The following KCNH8 variants were observed in gnomAD, a reference collection of about 807,000 sequenced individuals.
KCNH8 encodes voltage-gated delayed rectifier potassium channel KCNH8.
Under a neutral mutation model 103.6 loss-of-function variants are expected in KCNH8, and 70 were observed. That is an observed-to-expected ratio of 0.68 (90% CI 0.56 to 0.82). The LOEUF is 0.82. Ranked by LOEUF, KCNH8 falls within the 40% of genes least tolerant of loss-of-function variation. The probability of loss-of-function intolerance (pLI) is 0.00; values close to 1 mark genes in which losing one functional copy is unlikely to be tolerated. For synonymous variants in KCNH8, 498 were observed against 489.4 expected, an observed-to-expected ratio of 1.02 and a Z score of -0.23; for missense variants, 1,217 against 1,329.9, an observed-to-expected ratio of 0.92 and a Z score of 1.32.
chr3:19,307,546 T>C (rs2065146519), intron 3 of KCNH8, among the ~76,000 whole-genome samples: 1 of 151,980 alleles, frequency 6.6e-6, no homozygotes, highest in African/African-American at 2.4e-5. Context: ...TGGGAATTTA[T>C]CCAAAGATAA....
At chr3:19,372,774 G>T (rs1222995405) in intron 5 of KCNH8, among the ~76,000 whole-genome samples, 1 of 152,070 alleles carries the variant, frequency 6.6e-6, no homozygotes. Context: ...TTATTATTTT[G>T]AAATATGTCC....
At chr3:19,374,546 G>A (rs1314607500) in intron 5 of KCNH8, among the ~76,000 whole-genome samples, 1 of 152,158 alleles carries the variant, frequency 6.6e-6, no homozygotes, top group Non-Finnish European at 1.5e-5. Context: ...GATGGGTGTT[G>A]ACTCTTTATC....
At chr3:19,271,839 G>T (rs2064592872) in intron 2 of KCNH8, among the ~76,000 whole-genome samples, 1 of 152,070 alleles carries the variant, frequency 6.6e-6, no homozygotes, top group Admixed American at 6.5e-5. Flanking sequence ...TCTAAATCCT[G>T]CATGTTCCTG....
chr3:19,381,981 C>T (rs1234191950), intron 5 of KCNH8, among the ~76,000 whole-genome samples: 1 of 152,132 alleles, frequency 6.6e-6, no homozygotes, highest in Non-Finnish European at 1.5e-5. Context: ...ATAAAGGAGG[C>T]TTCTGGAGTT....
intron 11 of KCNH8, among the ~76,000 whole-genome samples, chr3:19,476,930 T>G (rs779596090): frequency 9.2e-5 from 14 of 152,322 alleles, no homozygotes; most frequent in Admixed American, 2.0e-4. Context: ...AGTTGATTTG[T>G]ATATATTGTC....
intron 3 of KCNH8, among the ~76,000 whole-genome samples, chr3:19,338,545 T>C (rs906836708): frequency 6.6e-5 from 10 of 152,184 alleles, no homozygotes; most frequent in Admixed American, 4.6e-4. Flanking sequence ...TACAAATCAT[T>C]ATATACCCCC....
At chr3:19,497,794 G>A (rs758394653) in intron 11 of KCNH8, among the ~76,000 whole-genome samples, 8 of 152,228 alleles carry the variant, frequency 5.3e-5, no homozygotes, top group Non-Finnish European at 7.4e-5. Flanking sequence ...CAATATCTTC[G>A]TTAATTTTCT....
intron 8 of KCNH8, among the ~76,000 whole-genome samples, chr3:19,443,481 T>C (rs939882447): frequency 1.3e-5 from 2 of 151,076 alleles, no homozygotes; most frequent in African/African-American, 2.4e-5. Flanking sequence ...ATATATAAAG[T>C]TTTCATTTAA....
At chr3:19,306,527 A>G (rs1376356565) in intron 3 of KCNH8, among the ~76,000 whole-genome samples, 1 of 152,130 alleles carries the variant, frequency 6.6e-6, no homozygotes, top group East Asian at 1.9e-4. Flanking sequence ...TAGTCTCATC[A>G]GTGATCTCTC....
At chr3:19,226,921 T>A (rs1425611311) in intron 1 of KCNH8, among the ~76,000 whole-genome samples, 1 of 152,174 alleles carries the variant, frequency 6.6e-6, no homozygotes, top group Non-Finnish European at 1.5e-5. Context: ...AATTTCCCAG[T>A]CTCTTATCTC....
intron 1 of KCNH8, among the ~76,000 whole-genome samples, chr3:19,247,941 T>C (rs2064226748): frequency 1.3e-5 from 2 of 152,196 alleles, no homozygotes; most frequent in Admixed American, 1.3e-4. Flanking sequence ...CTATTCTACT[T>C]AGAGTTGTGA....
At chr3:19,401,125 T>C (rs2066607254) in intron 7 of KCNH8, among the ~76,000 whole-genome samples, 1 of 151,906 alleles carries the variant, frequency 6.6e-6, no homozygotes. Context: ...GAACCAAGGA[T>C]CTCCTTTAAT....
At chr3:19,254,475 T>C (rs2064322276) in intron 2 of KCNH8, among the ~76,000 whole-genome samples, 1 of 152,150 alleles carries the variant, frequency 6.6e-6, no homozygotes, top group South Asian at 2.1e-4. Flanking sequence ...GGCTCCAAAC[T>C]GCCTCTGGGG....
At chr3:19,331,887 T>C (rs576259103) in intron 3 of KCNH8, among the ~76,000 whole-genome samples, 1 of 152,190 alleles carries the variant, frequency 6.6e-6, no homozygotes, top group East Asian at 1.9e-4. Context: ...TCTATCATGA[T>C]GAAAGTAACT....
intron 15 of KCNH8, among the ~76,000 whole-genome samples, chr3:19,530,757 T>C (rs1420301186): frequency 6.6e-6 from 1 of 152,216 alleles, no homozygotes; most frequent in Non-Finnish European, 1.5e-5. Flanking sequence ...GAAAAATCTC[T>C]CAATGCTTTC....
At chr3:19,525,380 T>G (rs543893513) in intron 15 of KCNH8, among the ~76,000 whole-genome samples, 1 of 151,844 alleles carries the variant, frequency 6.6e-6, no homozygotes. Context: ...AATCCCCAGA[T>G]GATTCCTATA....
At position 19,290,585 on chromosome 3, in the gene KCNH8, C is replaced by T. The variant is rs188852106; in HGVS notation, c.442+9256C>T. 7.3e-3 allele frequency among the ~76,000 whole-genome samples: 1,108 copies of T among 152,312 alleles called. 6 individuals are homozygous for T. The highest frequency in any genetic ancestry group is 9.7e-3 in the Non-Finnish European group (660 of 68,028). ...CGTATGTTGAACCAGCCTTGCATCCCAGGGTTGAAGCCCACTTGATCATGC... is the reference window on the plus strand; with the variant it reads ...CGTATGTTGAACCAGCCTTGCATCCTAGGGTTGAAGCCCACTTGATCATGC... On this transcript the variant is annotated intron_variant, in intron 3 of 15. Coordinates refer to ENST00000328405, the MANE Select transcript of KCNH8 (RefSeq NM_144633.3).
intron 5 of KCNH8, among the ~76,000 whole-genome samples, chr3:19,373,483 C>G (rs1265732110): frequency 6.6e-6 from 1 of 152,040 alleles, no homozygotes; most frequent in African/African-American, 2.4e-5. Context: ...TTTATTGCGT[C>G]TATTTGATTC....
At chr3:19,290,348 T>C (rs538265558) in intron 3 of KCNH8, among the ~76,000 whole-genome samples, 178 of 152,272 alleles carry the variant, frequency 1.2e-3, no homozygotes, top group African/African-American at 4.0e-3. Context: ...ATGCTTCCAG[T>C]TTTTGCCCAT....
Sources: allele counts gnomAD v4.1 joint callset (sites outside exome capture counted in the v4.1 genomes callset), GRCh38; gene constraint gnomAD v4.1.1; transcripts MANE v1.5; gene names NCBI Gene and HGNC (gene_info 2026-07-23, HGNC 2026-07-21).